Variants in THSD4 observed in about 807,000 individuals in gnomAD.
THSD4 encodes the protein thrombospondin type 1 domain containing 4, also known as thrombospondin type-1 domain-containing protein 4.
In THSD4, 69 loss-of-function variants were observed where a neutral mutation model predicts 119.0. The ratio of observed to expected loss-of-function variants is 0.58; its 90% CI spans 0.48 to 0.71. The LOEUF is 0.71. THSD4 is among the 30% of genes least tolerant of loss of function. THSD4 has a pLI of 0.00. For synonymous variants in THSD4, 524 were observed against 540.4 expected, an observed-to-expected ratio of 0.97 and a Z score of 0.42; for missense variants, 1,393 against 1,391.1, an observed-to-expected ratio of 1.00 and a Z score of -0.02.
chr15:71,739,179 C>T (rs994824939), intron 11 of THSD4, among the ~76,000 whole-genome samples: 2 of 151,862 alleles, frequency 1.3e-5, no homozygotes, highest in African/African-American at 4.8e-5. Flanking sequence ...AGCTCCCATA[C>T]TATCCCGGTA....
intron 6 of THSD4, among the ~76,000 whole-genome samples, chr15:71,285,519 A>G (rs1321537991): frequency 1.3e-5 from 2 of 152,190 alleles, no homozygotes; most frequent in Non-Finnish European, 2.9e-5. Context: ...GTACTTCACT[A>G]ATTGTTTTCC....
intron 7 of THSD4, among the ~76,000 whole-genome samples, chr15:71,615,784 A>G (rs2050309694): frequency 6.6e-6 from 1 of 152,202 alleles, no homozygotes; most frequent in Non-Finnish European, 1.5e-5. Flanking sequence ...TGAGAAGATG[A>G]AGGACCCAGG....
chr15:71,697,417 A>G (rs1238624909), intron 8 of THSD4, among the ~76,000 whole-genome samples: 1 of 152,014 alleles, frequency 6.6e-6, no homozygotes, highest in Non-Finnish European at 1.5e-5. Flanking sequence ...TTTCAGGACA[A>G]CTCTTGCTCA....
At chr15:71,279,508 A>C (rs575623775) in intron 6 of THSD4, among the ~76,000 whole-genome samples, 1 of 152,338 alleles carries the variant, frequency 6.6e-6, no homozygotes, top group South Asian at 2.1e-4. Context: ...AAGGAGTAGA[A>C]CTGGATCCAT....
chr15:71,504,588 G>T lies in THSD4; in HGVS notation c.1152+92765G>T, dbSNP rs557980761. On this transcript the variant is annotated intron_variant, in intron 7 of 17. Transcript: ENST00000261862. ...GGAGTTTGAGAATACTTCATTATTT[G>T]GATTAATTTTATTAACCTTTTTATT... 1.5e-4 allele frequency among the ~76,000 whole-genome samples: 23 copies of T among 152,216 alleles called. No individual in the cohort carries two copies. In the South Asian group the frequency reaches 4.6e-3, roughly 30 times the overall value.
intron 14 of THSD4, 80 bp from the exon 15 acceptor site, chr15:71,757,822 A>C (rs574791333): frequency 1.9e-6 from 3 of 1,571,502 alleles, no homozygotes; most frequent in African/African-American, 2.7e-5. Flanking sequence ...GAAGCATTCC[A>C]TCCTCCTTTC....
intron 6 of THSD4, among the ~76,000 whole-genome samples, chr15:71,375,664 G>A (rs1167733913): frequency 6.6e-6 from 1 of 152,166 alleles, no homozygotes. Context: ...AGCCTTGAAA[G>A]ATAAGTTAAG....
At chr15:71,649,055 C>G (rs1002597447) in intron 7 of THSD4, among the ~76,000 whole-genome samples, 1 of 152,112 alleles carries the variant, frequency 6.6e-6, no homozygotes, top group South Asian at 2.1e-4. Context: ...ACATATGGAA[C>G]GTAGAAAAGA....
In THSD4 at chr15:71,748,426, G is replaced by A. The variant is rs760256327; in HGVS notation, c.2247G>A (p.Ser749=). 1.1e-5 allele frequency: 17 copies of A among 1,614,104 alleles called. No homozygotes were observed. The highest frequency in any genetic ancestry group is 5.5e-5 in the South Asian group (5 of 91,054). The change falls in exon 14 of 18, where the codon TCG becomes TCA. Residue 749 remains serine, a synonymous_variant. Transcript: ENST00000261862. The part of the protein sequence containing the change: ...WQIRTDWTSC[S]VPCGVGQRTR... ...GTCAGTGTGCTGTGTTTCAGTGCTC[G>A]GTGCCCTGCGGCGTGGGACAGAGGA...
chr15:71,446,800 A>T (rs2047188274), intron 7 of THSD4, among the ~76,000 whole-genome samples: 1 of 152,042 alleles, frequency 6.6e-6, no homozygotes, highest in Non-Finnish European at 1.5e-5. Context: ...CACAGATCTG[A>T]GCATCTCGGG....
At position 71,783,211 on chromosome 15, in the gene THSD4, A is replaced by T. The variant is rs531676204; in HGVS notation, c.*5837A>T. Reference sequence around the variant, plus strand: ...GTCTGTTTTCTCTTCAGCAAAAATGACTATTTTTGTGTGTGACTAATTTAT... The same window carrying T: ...GTCTGTTTTCTCTTCAGCAAAAATGTCTATTTTTGTGTGTGACTAATTTAT... On this transcript the variant is annotated 3_prime_UTR_variant, in exon 18 of 18. Transcript: ENST00000261862. 6.6e-6 allele frequency: 1 copy of T among 152,202 alleles called. No individual in the cohort carries two copies. The highest frequency in any genetic ancestry group is 1.5e-5 in the Non-Finnish European group (1 of 68,026). 9.4% of individuals were successfully genotyped at this position (152,202 alleles called of 1,614,324 possible).
intron 1 of THSD4, among the ~76,000 whole-genome samples, chr15:71,129,104 A>G (rs1166836268): frequency 6.6e-6 from 1 of 152,154 alleles, no homozygotes; most frequent in Non-Finnish European, 1.5e-5. Flanking sequence ...GCAAGCTTTG[A>G]GAGTCATTTC....
intron 7 of THSD4, among the ~76,000 whole-genome samples, chr15:71,559,343 TCTG>T (rs2049074684): frequency 6.6e-6 from 1 of 152,192 alleles, no homozygotes; most frequent in South Asian, 2.1e-4. Flanking sequence ...GGTGGTTTCT[TCTG>T]CTGTGGTTTC....
At chr15:71,730,681 G>A (rs969492944) in intron 9 of THSD4, 1 of 155,718 alleles carries the variant, frequency 6.4e-6, no homozygotes, top group African/African-American at 2.4e-5. Context: ...GGAACCTAAA[G>A]CATCCCGGGG....
chr15:71,329,900 G>A (rs376108438), intron 6 of THSD4, among the ~76,000 whole-genome samples: 1 of 152,146 alleles, frequency 6.6e-6, no homozygotes, highest in African/African-American at 2.4e-5. Context: ...GGGCAACATG[G>A]TGAAACTTCA....
intron 7 of THSD4, among the ~76,000 whole-genome samples, chr15:71,479,807 T>C (rs535144788): frequency 2.0e-5 from 3 of 152,318 alleles, no homozygotes; most frequent in South Asian, 4.1e-4. Flanking sequence ...ACTTTATTAT[T>C]TTCATTTGCA....
intron 6 of THSD4, among the ~76,000 whole-genome samples, chr15:71,257,467 C>A (rs997350741): frequency 1.3e-5 from 2 of 152,040 alleles, no homozygotes; most frequent in Non-Finnish European, 2.9e-5. Flanking sequence ...CCTTCAGGGC[C>A]CAGTGGAAGA....
At chr15:71,230,375 G>A (rs911795629) in intron 4 of THSD4, among the ~76,000 whole-genome samples, 3 of 152,202 alleles carry the variant, frequency 2.0e-5, no homozygotes, top group African/African-American at 7.2e-5. Flanking sequence ...TCAGTCCCAT[G>A]TTTGGCTACC....
chr15:71,211,044 T>C (rs1351502667), intron 3 of THSD4, among the ~76,000 whole-genome samples: 2 of 152,202 alleles, frequency 1.3e-5, no homozygotes, highest in East Asian at 3.8e-4. Flanking sequence ...TTGGAAATTG[T>C]GATAGGTATT....
Sources: gnomAD v4.1 joint callset for allele counts (sites outside exome capture counted in the v4.1 genomes callset) on GRCh38, gnomAD v4.1.1 for gene constraint, MANE v1.5 for transcripts, NCBI Gene and HGNC (gene_info 2026-07-23, HGNC 2026-07-21) for gene names.